The following DCTN4 variants were observed in gnomAD, a reference collection of about 807,000 sequenced individuals.
DCTN4 encodes dynactin 4 (p62).
A neutral mutation model predicts 62.7 loss-of-function variants in DCTN4; 23 were observed. The ratio of observed to expected loss-of-function variants is 0.37; its 90% confidence interval spans 0.26 to 0.52. The LOEUF (loss-of-function observed/expected upper bound fraction) is 0.52, where lower values mean the gene tolerates loss of function less well. Among genes scored for constraint, DCTN4 ranks in the 20% least tolerant of loss-of-function variants. The pLI is 0.92. For synonymous variants in DCTN4, 199 were observed against 202.1 expected (o/e 0.98, Z 0.13); for missense variants, 514 against 580.4 (o/e 0.89, Z 1.18).
intron 8 of DCTN4, among the ~76,000 whole-genome samples, chr5:150,725,408 A>G (rs1760107621): frequency 6.6e-6 from 1 of 151,578 alleles, no homozygotes; most frequent in South Asian, 2.1e-4. Context: ...ATATATAACT[A>G]TTTCCATTAC....
chr5:150,754,515 A>T (rs1204518427), intron 2 of DCTN4, among the ~76,000 whole-genome samples: 1 of 152,258 alleles, frequency 6.6e-6, no homozygotes, highest in East Asian at 1.9e-4. Context: ...GTATGGGGGT[A>T]TGACTAACAG....
chr5:150,726,037 A>G (rs1482788347), intron 8 of DCTN4, among the ~76,000 whole-genome samples: 2 of 151,936 alleles, frequency 1.3e-5, no homozygotes, highest in African/African-American at 2.4e-5. Context: ...CAACAAACCT[A>G]TATTTTAAGC....
chr5:150,740,719 A>AT (rs141344126), intron 4 of DCTN4, among the ~76,000 whole-genome samples: 1,683 of 152,348 alleles, frequency 0.011, 30 homozygotes, highest in African/African-American at 0.037. Flanking sequence ...CTACTCAGCC[A>AT]TAAAAACTAG....
At position 150,730,566 on chromosome 5, in the gene DCTN4, A is replaced by G. The variant is rs918559300; in HGVS notation, c.834+65T>C. 3,906 of 1,413,916 alleles carry G rather than the reference A, an allele frequency of 2.8e-3. 9 individuals are homozygous for G. The highest frequency in any genetic ancestry group is 3.4e-3 in the Non-Finnish European group (3,360 of 1,002,562). 87.6% of individuals were successfully genotyped at this position (1,413,916 alleles called of 1,614,324 possible). A position where few individuals can be genotyped will look rare whatever the true frequency, so the allele number is the denominator to read the frequency against. The stretch of plus-strand genomic sequence containing the variant: ...CCAAAGGTTTTGACATTAGTCAGAC[A>G]CCAGCCACATTTATTTTTGCTTTCC... On this transcript the variant is annotated intron_variant, in intron 8 of 12. Coordinates refer to ENST00000447998, the MANE Select transcript of DCTN4 (RefSeq NM_016221.4).
chr5:150,735,299 T>C (rs1760535605), intron 4 of DCTN4, among the ~76,000 whole-genome samples: 1 of 152,240 alleles, frequency 6.6e-6, no homozygotes, highest in African/African-American at 2.4e-5. Flanking sequence ...TGTGACATCC[T>C]GGCTAACCAG....
In DCTN4 at chr5:150,714,273, G is replaced by A. The variant is rs1363967325; in HGVS notation, c.1169+1292C>T. On this transcript the variant is annotated intron_variant, in intron 12 of 12. Transcript: ENST00000447998. ...GGCTCTTTGTCAGGTTCTGTCAGCA[G>A]CGGGCTCTAAAGGGAGACTAGAAGT... Among the ~76,000 whole-genome samples, 4 of 152,178 alleles carry A rather than the reference G, an allele frequency of 2.6e-5. No individual in the cohort carries two copies. In the South Asian group the frequency reaches 8.3e-4, roughly 32 times the overall value.
intron 3 of DCTN4, among the ~76,000 whole-genome samples, chr5:150,752,727 T>C (rs4452545): frequency 0.022 from 3,379 of 152,316 alleles, 259 homozygotes; most frequent in Admixed American, 0.15. Flanking sequence ...ACTATGAGAA[T>C]TGCTGCTCAT....
At chr5:150,722,814 A>G in intron 9 of DCTN4, 93 bp downstream of exon 9, 2 of 764,908 alleles carry the variant, frequency 2.6e-6, no homozygotes, top group Non-Finnish European at 4.1e-6. Context: ...TTTTTTTTTT[A>G]GGCCAAGAGT....
chr5:150,722,781 T>A (rs958292475), intron 9 of DCTN4, 126 bp downstream of exon 9: 11 of 640,634 alleles, frequency 1.7e-5, no homozygotes, highest in East Asian at 1.2e-4. Context: ...GAACAGAATG[T>A]CAAGATTATT....
At chr5:150,741,164 C>CAAAAAAAAAAAAAAAA (rs754641920) in intron 4 of DCTN4, among the ~76,000 whole-genome samples, 9 of 58,352 alleles carry the variant, frequency 1.5e-4, no homozygotes, top group African/African-American at 4.9e-4. Flanking sequence ...GATCCTGTCT[C>CAAAAAAAAAAAAAAAA]AAAAAAAAAA....
chr5:150,736,063 G>A (rs575792804), intron 4 of DCTN4, among the ~76,000 whole-genome samples: 1 of 151,496 alleles, frequency 6.6e-6, no homozygotes, highest in African/African-American at 2.4e-5. Flanking sequence ...AAAGAAAAAA[G>A]AATAATAACA....
intron 4 of DCTN4, among the ~76,000 whole-genome samples, chr5:150,739,386 C>T (rs1427152942): frequency 6.6e-6 from 1 of 152,084 alleles, no homozygotes; most frequent in African/African-American, 2.4e-5. Context: ...AGGTGAAAGA[C>T]CTCTACAAGA....
Position 150,731,982 on chromosome 5 carries a change from G to A in DCTN4, c.538-493C>T, listed in dbSNP as rs77899991. ...CATAAGATAGAAGCAAACGCATATA[G>A]CAGGCAGGTTATATGGGAAAATTGG... On this transcript the variant is annotated intron_variant, in intron 5 of 12. Transcript: ENST00000447998. 1,097 of 1,282,246 alleles carry A rather than the reference G, an allele frequency of 8.6e-4. 19 individuals carry two copies. In the East Asian group the frequency reaches 0.024, roughly 28 times the overall value. The allele number at this position is 1,282,246 out of a possible 1,614,324, so 79.4% of individuals were successfully genotyped here.
intron 1 of DCTN4, among the ~76,000 whole-genome samples, chr5:150,757,092 T>C (rs943818814): frequency 2.0e-5 from 3 of 152,214 alleles, no homozygotes; most frequent in Non-Finnish European, 4.4e-5. Context: ...TGAATAATTA[T>C]TTTCTTTAAT....
chr5:150,713,988 T>C (rs1244325455), intron 12 of DCTN4, among the ~76,000 whole-genome samples: 2 of 151,904 alleles, frequency 1.3e-5, no homozygotes, highest in Non-Finnish European at 2.9e-5. Flanking sequence ...GTGGTGGCGC[T>C]TGCCTGTAAT....
chr5:150,744,923 C>G (rs1305498405), intron 3 of DCTN4, among the ~76,000 whole-genome samples: 11 of 150,980 alleles, frequency 7.3e-5, no homozygotes, highest in Non-Finnish European at 1.0e-4. Context: ...ATGACAGGAT[C>G]AAATTCACAC....
At chr5:150,729,954 T>C (rs1760299454) in intron 8 of DCTN4, among the ~76,000 whole-genome samples, 1 of 152,198 alleles carries the variant, frequency 6.6e-6, no homozygotes, top group Non-Finnish European at 1.5e-5. Context: ...ACATTGTGTT[T>C]GGTAAACTTT....
intron 8 of DCTN4, among the ~76,000 whole-genome samples, chr5:150,727,401 A>G (rs1412692689): frequency 1.3e-5 from 2 of 152,212 alleles, no homozygotes; most frequent in Non-Finnish European, 2.9e-5. Flanking sequence ...CAGTAATAGT[A>G]TAACATACTA....
At chr5:150,729,042 CTTTTTTTTTTTTTT>C (rs61106544) in intron 8 of DCTN4, among the ~76,000 whole-genome samples, 52 of 52,146 alleles carry the variant, frequency 1.0e-3, no homozygotes, top group East Asian at 7.3e-3. Context: ...ACCACACTGG[CTTTTTTTTTTTTTT>C]TTTTTTTTTT....
Sources: allele counts gnomAD v4.1 joint callset (sites outside exome capture counted in the v4.1 genomes callset), GRCh38; gene constraint gnomAD v4.1.1; transcripts MANE v1.5; gene names NCBI Gene and HGNC (gene_info 2026-07-23, HGNC 2026-07-21).